The following PCDHA7 variants were observed in gnomAD, a reference collection of about 807,000 sequenced individuals.
The protein encoded by PCDHA7 is protocadherin alpha-7.
A neutral mutation model predicts 57.2 loss-of-function variants in PCDHA7; 37 were observed. The ratio of observed to expected loss-of-function variants is 0.65; its 90% CI spans 0.50 to 0.85. The LOEUF is 0.85. Ranked by LOEUF, PCDHA7 falls within the 40% of genes least tolerant of loss-of-function variation. PCDHA7 has a pLI of 0.00. For synonymous variants in PCDHA7, 553 were observed against 558.8 expected (o/e 0.99, Z 0.15); for missense variants, 1,188 against 1,241.8 (o/e 0.96, Z 0.65).
At position 140,875,707 on chromosome 5, in the gene PCDHA7, C is replaced by G. The variant is rs782640816; in HGVS notation, c.2355+38969C>G. ...ACACGGGGACCTTCTGGAGGTAAAT[C>G]TGCAGAATGGCATTTTGTTTGTGAA... On this transcript the variant is annotated intron_variant, in intron 1 of 3. Transcript: ENST00000525929. The G allele has an allele frequency of 6.2e-6, 10 of 1,614,048 alleles. No homozygotes were observed. In the South Asian group the frequency reaches 6.6e-5, roughly 11 times the overall value.
Position 140,851,165 on chromosome 5 carries a change from G to A in PCDHA7, c.2355+14427G>A. Reference sequence around the variant, plus strand: ...GACATTGAATTTCTGATGCTATGCTGCCATAACACTTGAAAACCAATTTAG... The same window carrying A: ...GACATTGAATTTCTGATGCTATGCTACCATAACACTTGAAAACCAATTTAG... On this transcript the variant is annotated intron_variant, in intron 1 of 3. Transcript: ENST00000525929. 5 of 1,284,508 alleles carry A rather than the reference G, an allele frequency of 3.9e-6. 1 individual carries two copies. Among genetic ancestry groups the A allele is most frequent in the Non-Finnish European group, 5.0e-6 (5 of 997,876 alleles). 79.6% of individuals were successfully genotyped at this position (1,284,508 alleles called of 1,614,324 possible).
chr5:140,885,051 A>G (rs2060446316), intron 1 of PCDHA7, among the ~76,000 whole-genome samples: 1 of 152,230 alleles, frequency 6.6e-6, no homozygotes, highest in Non-Finnish European at 1.5e-5. Context: ...TAATGTATAC[A>G]TATACCCACA....
At chr5:140,858,726 C>T (rs115774489) in intron 1 of PCDHA7, 5,491 of 481,664 alleles carry the variant, frequency 0.011, 341 homozygotes, top group Non-Finnish European at 0.014. Flanking sequence ...GCAGTTCTGA[C>T]GATTTACTTT....
In PCDHA7 at chr5:140,929,079, T is replaced by G. The variant is rs76301676; in HGVS notation, c.2356-49870T>G. 5,184 of 1,614,178 alleles carry G rather than the reference T, an allele frequency of 3.2e-3. 26 individuals are homozygous for G. Among genetic ancestry groups the G allele is most frequent in the African/African-American group, 0.019 (1,450 of 75,034 alleles). On this transcript the variant is annotated intron_variant, in intron 1 of 3. Transcript: ENST00000525929. ...CTACAGAGGATCTGAGGTATGGAAGTAAGATGGTTTCAAATCCTTGCATGA... is the reference window on the plus strand; with the variant it reads ...CTACAGAGGATCTGAGGTATGGAAGGAAGATGGTTTCAAATCCTTGCATGA...
chr5:140,927,960 C>G, intron 1 of PCDHA7: 2 of 1,614,196 alleles, frequency 1.2e-6, no homozygotes, highest in Non-Finnish European at 1.7e-6. Flanking sequence ...CTGCCCCTGG[C>G]ACAGTGATTG....
chr5:140,843,647 C>T lies in PCDHA7; in HGVS notation c.2355+6909C>T, dbSNP rs2150364514. 10 of 1,595,364 alleles carry T rather than the reference C, an allele frequency of 6.3e-6. No individual in the cohort carries two copies. The African/African-American group carries it at 1.3e-4, about 21-fold the overall frequency. On this transcript the variant is annotated intron_variant, in intron 1 of 3. Coordinates refer to ENST00000525929, the MANE Select transcript of PCDHA7 (RefSeq NM_018910.3). Reference sequence around the variant, plus strand: ...GGACCTCATGGCCTTCAGCCCCTGCCTTCCTCCTGATCTGGGATCAGTTGA... The same window carrying T: ...GGACCTCATGGCCTTCAGCCCCTGCTTTCCTCCTGATCTGGGATCAGTTGA...
chr5:140,860,534 AAGAC>A, intron 1 of PCDHA7: 1 of 152,306 alleles, frequency 6.6e-6, no homozygotes, highest in Middle Eastern at 3.4e-3. Flanking sequence ...TCTGATTTGT[AAGAC>A]AAACCCACCT....
At chr5:140,865,241 T>C (rs1581737051) in intron 1 of PCDHA7, 1 of 152,220 alleles carries the variant, frequency 6.6e-6, no homozygotes, top group Non-Finnish European at 1.5e-5. Context: ...AACACGTATT[T>C]ATAGCTGTAA....
chr5:140,964,785 C>T (rs890090665), intron 1 of PCDHA7, among the ~76,000 whole-genome samples: 2 of 151,408 alleles, frequency 1.3e-5, no homozygotes, highest in East Asian at 3.9e-4. Context: ...GAGGAAGAAG[C>T]CAGAGACCCA....
intron 1 of PCDHA7, among the ~76,000 whole-genome samples, chr5:140,880,362 A>G (rs1005788716): frequency 4.6e-5 from 7 of 152,236 alleles, no homozygotes; most frequent in Non-Finnish European, 1.0e-4. Context: ...ATTTAGATGA[A>G]AACCATGAGA....
In PCDHA7 at chr5:140,876,482, T is replaced by G. The variant is rs372044061; in HGVS notation, c.2355+39744T>G. The G allele has an allele frequency of 1.8e-4, 291 of 1,613,904 alleles. No individual in the cohort carries two copies. The highest frequency in any genetic ancestry group is 2.4e-4 in the Non-Finnish European group (285 of 1,179,894). On this transcript the variant is annotated intron_variant, in intron 1 of 3. Transcript: ENST00000525929. The stretch of plus-strand genomic sequence containing the variant: ...TCCATGGCAGGTCACAGCATGGTCC[T>G]GGTGGAAGTTCTGGACGTGAATGAC...
intron 1 of PCDHA7, chr5:140,856,946 G>T: frequency 6.3e-7 from 1 of 1,593,334 alleles, no homozygotes; most frequent in East Asian, 2.2e-5. Context: ...AAGGACGGGA[G>T]AAATAAAAGT....
At chr5:140,958,700 C>G (rs2095439212) in intron 1 of PCDHA7, among the ~76,000 whole-genome samples, 1 of 152,086 alleles carries the variant, frequency 6.6e-6, no homozygotes, top group Non-Finnish European at 1.5e-5. Context: ...CCTAGAGTGA[C>G]AACTCTGTTA....
chr5:140,955,676 C>T (rs374545278), intron 1 of PCDHA7, among the ~76,000 whole-genome samples: 40 of 152,096 alleles, frequency 2.6e-4, no homozygotes, highest in African/African-American at 8.7e-4. Context: ...ATAGTTTTTT[C>T]GAAATCTGTG....
intron 3 of PCDHA7, among the ~76,000 whole-genome samples, chr5:140,984,886 C>A (rs1254649508): frequency 1.3e-5 from 2 of 151,720 alleles, no homozygotes; most frequent in Non-Finnish European, 2.9e-5. Context: ...ACCATGAGAA[C>A]TAAAGGAGAA....
chr5:140,855,802 G>A (rs1329894390), intron 1 of PCDHA7: 2 of 477,954 alleles, frequency 4.2e-6, no homozygotes, highest in East Asian at 6.4e-5. Flanking sequence ...ACATATGAAT[G>A]AAAGAAAAGT....
At chr5:140,899,545 G>A (rs2067400002) in intron 1 of PCDHA7, among the ~76,000 whole-genome samples, 1 of 152,158 alleles carries the variant, frequency 6.6e-6, no homozygotes, top group African/African-American at 2.4e-5. Context: ...TGATCATGGT[G>A]GATAAGCTTT....
chr5:140,926,199 G>C (rs541337659), intron 1 of PCDHA7, among the ~76,000 whole-genome samples: 1 of 151,790 alleles, frequency 6.6e-6, no homozygotes, highest in African/African-American at 2.4e-5. Context: ...CACTTCTTTC[G>C]GGGGGCTCCT....
intron 1 of PCDHA7, chr5:140,882,748 A>C: frequency 1.2e-6 from 2 of 1,614,258 alleles, no homozygotes; most frequent in Non-Finnish European, 1.7e-6. Flanking sequence ...CATCCGATGC[A>C]GATATTGGAG....
Sources: allele counts gnomAD v4.1 joint callset (sites outside exome capture counted in the v4.1 genomes callset), GRCh38; gene constraint gnomAD v4.1.1; transcripts MANE v1.5; gene names NCBI Gene and HGNC (gene_info 2026-07-23, HGNC 2026-07-21).